DYNC2H1: variants seen among roughly 807,000 people sequenced by gnomAD.
DYNC2H1 encodes dynein cytoplasmic 2 heavy chain 1.
In DYNC2H1, 410 loss-of-function variants were observed where a neutral mutation model predicts 570.0. The observed-to-expected ratio is 0.72, with a 90% CI of 0.66 to 0.78. The LOEUF (loss-of-function observed/expected upper bound fraction) is 0.78. Ranked by LOEUF, DYNC2H1 falls within the 30% of genes least tolerant of loss-of-function variation. The probability of loss-of-function intolerance (pLI) is 0.00; values close to 1 mark genes in which losing one functional copy is unlikely to be tolerated. For synonymous variants in DYNC2H1, 1,688 were observed against 1,677.6 expected (o/e 1.01, Z -0.15); for missense variants, 4,865 against 5,046.4 (o/e 0.96, Z 1.09).
At chr11:103,159,618 A>G (rs1203334726) in intron 28 of DYNC2H1, among the ~76,000 whole-genome samples, 1 of 152,122 alleles carries the variant, frequency 6.6e-6, no homozygotes, top group Admixed American at 6.5e-5. Context: ...TGGGATACTT[A>G]TTAGTGGCAA....
rs2135260780 is a variant in DYNC2H1, at chr11:103,255,407, A to T, written c.10207-8A>T. ...GCTAGAATTACCTTGTCTTTTTGTTATCCCAAGCTTTTAGCTTTAACCATT... is the reference window on the plus strand; with the variant it reads ...GCTAGAATTACCTTGTCTTTTTGTTTTCCCAAGCTTTTAGCTTTAACCATT... On this transcript the variant is annotated splice_polypyrimidine_tract_variant and splice_region_variant and intron_variant, in intron 66 of 88. Transcript: ENST00000375735. The T allele has an allele frequency of 1.3e-6, 2 of 1,549,494 alleles. No individual in the cohort carries two copies. The highest frequency in any genetic ancestry group is 1.4e-5 in the African/African-American group (1 of 73,070).
At chr11:103,311,548 A>G (rs1255557376) in intron 78 of DYNC2H1, among the ~76,000 whole-genome samples, 1 of 152,090 alleles carries the variant, frequency 6.6e-6, no homozygotes, top group Admixed American at 6.6e-5. Flanking sequence ...AACAATCAAT[A>G]TCACATTAGT....
intron 84 of DYNC2H1, among the ~76,000 whole-genome samples, chr11:103,415,354 A>G (rs1356702878): frequency 1.3e-5 from 2 of 152,192 alleles, no homozygotes; most frequent in African/African-American, 4.8e-5. Context: ...TCTGCACACC[A>G]AAAGAAACTA....
At position 103,133,488 on chromosome 11, in the gene DYNC2H1, T is replaced by C. The variant is rs1859378025; in HGVS notation, c.1954-67T>C. 2 of 1,454,422 alleles carry C rather than the reference T, an allele frequency of 1.4e-6. No homozygotes were observed. The highest frequency in any genetic ancestry group is 1.9e-6 in the Non-Finnish European group (2 of 1,080,244). The allele number at this position is 1,454,422 out of a possible 1,614,324, so 90.1% of individuals were successfully genotyped here. A position where few individuals can be genotyped will look rare whatever the true frequency, so the allele number is the denominator to read the frequency against. ...GTTGGGGATAGTTGAACTTTTGATA[T>C]AGAATATTGAAACTTTTGGAAAAAA... On this transcript the variant is annotated intron_variant, in intron 13 of 88. Transcript: ENST00000375735. The surrounding 1 kb of genome is among the most constrained non-coding windows in gnomAD (Gnocchi z 4.8).
chr11:103,298,984 T>C (rs11225665), intron 75 of DYNC2H1, among the ~76,000 whole-genome samples: 49,486 of 151,992 alleles, frequency 0.33, 8,281 homozygotes, highest in South Asian at 0.41. Flanking sequence ...CGTTACTTTT[T>C]AGAAATGGTA....
intron 83 of DYNC2H1, among the ~76,000 whole-genome samples, chr11:103,367,891 T>G (rs1400451310): frequency 1.3e-5 from 2 of 152,154 alleles, no homozygotes; most frequent in Non-Finnish European, 2.9e-5. Flanking sequence ...TTGGCTTATT[T>G]CACTTAATGT....
rs1300913388 is a variant in DYNC2H1, at chr11:103,299,090, G to T, written c.11096-4003G>T. 6.6e-6 allele frequency among the ~76,000 whole-genome samples: 1 copy of T among 152,042 alleles called. No homozygotes were observed. Among genetic ancestry groups the T allele is most frequent in the Non-Finnish European group, 1.5e-5 (1 of 67,990 alleles). On this transcript the variant is annotated intron_variant, in intron 75 of 88. Transcript: ENST00000375735. This position sits in a 1 kb window ranked among gnomAD's most constrained non-coding sequence, Gnocchi z 4.5. ...AGTATATTATACTATGTGTATTGAG[G>T]TATTGGAAATGTAAAGAGACATGTC...
chr11:103,431,046 A>G (rs1943870628), intron 84 of DYNC2H1, among the ~76,000 whole-genome samples: 1 of 152,054 alleles, frequency 6.6e-6, no homozygotes, highest in South Asian at 2.1e-4. Context: ...ATTTACTCAT[A>G]CTTGCTGCAT....
At chr11:103,436,991 G>A (rs978198948) in intron 85 of DYNC2H1, among the ~76,000 whole-genome samples, 9 of 152,068 alleles carry the variant, frequency 5.9e-5, no homozygotes, top group South Asian at 2.1e-4. Flanking sequence ...CGCTGCTACC[G>A]AAACTTCAGA....
intron 65 of DYNC2H1, among the ~76,000 whole-genome samples, chr11:103,246,520 T>C (rs1458148387): frequency 6.6e-6 from 1 of 152,054 alleles, no homozygotes; most frequent in Non-Finnish European, 1.5e-5. Context: ...TTGGTTCACA[T>C]TTTGAACTGT....
chr11:103,427,067 C>G (rs1265832927), intron 84 of DYNC2H1, among the ~76,000 whole-genome samples: 1 of 151,954 alleles, frequency 6.6e-6, no homozygotes, highest in African/African-American at 2.4e-5. Flanking sequence ...TAACGTAAAC[C>G]CACAGAGCCC....
chr11:103,309,347 ATTTCT>A (rs1185125324), intron 78 of DYNC2H1, among the ~76,000 whole-genome samples: 5 of 141,674 alleles, frequency 3.5e-5, no homozygotes, highest in Non-Finnish European at 7.7e-5. Flanking sequence ...TAATTTTTTT[ATTTCT>A]TTTCTTTTTT....
At chr11:103,286,007 T>C (rs1228997632) in intron 73 of DYNC2H1, among the ~76,000 whole-genome samples, 1 of 152,348 alleles carries the variant, frequency 6.6e-6, no homozygotes, top group East Asian at 1.9e-4. Flanking sequence ...TGTTTTTACA[T>C]AGAGAAAAGA....
chr11:103,392,530 C>G (rs183315955), intron 83 of DYNC2H1, among the ~76,000 whole-genome samples: 1 of 152,194 alleles, frequency 6.6e-6, no homozygotes, highest in Non-Finnish European at 1.5e-5. Context: ...GAGATGAACC[C>G]GGTACCTCAG....
intron 87 of DYNC2H1, among the ~76,000 whole-genome samples, chr11:103,463,624 G>A (rs1397780735): frequency 6.6e-6 from 1 of 152,088 alleles, no homozygotes; most frequent in Non-Finnish European, 1.5e-5. Context: ...GGTGGTGCAT[G>A]CCTGTCATCC....
chr11:103,200,690 C>T (rs905944421), intron 50 of DYNC2H1, among the ~76,000 whole-genome samples: 2 of 152,174 alleles, frequency 1.3e-5, no homozygotes, highest in Non-Finnish European at 2.9e-5. Flanking sequence ...TGAAATTCCA[C>T]ATAATGCTAC....
chr11:103,132,669 T>C lies in DYNC2H1; in HGVS notation c.1954-886T>C, dbSNP rs971300070. ...TTGGGGGTGTGTGTGTGTGTGTGTG[T>C]GTGTGTGATGAGTTTCCTGCTGGGC... is the stretch of plus-strand genomic sequence containing the variant. On this transcript the variant is annotated intron_variant, in intron 13 of 88. Transcript: ENST00000375735. 1.3e-5 allele frequency among the ~76,000 whole-genome samples: 2 copies of C among 151,950 alleles called. 1 individual carries two copies. Among genetic ancestry groups the C allele is most frequent in the East Asian group, 3.9e-4 (2 of 5,188 alleles).
In DYNC2H1 at chr11:103,170,145, A is replaced by G. The variant is rs369431013; in HGVS notation, c.5006A>G (p.Asp1669Gly). ...AAACTGGTTTATACTCCACTGACAG[A>G]CAAGTGCTACTTAACTCTCACTCAA... is the stretch of plus-strand genomic sequence containing the variant. ...ASKLVYTPLT[D>G]KCYLTLTQAM... Residue 1669 changes from aspartate to glycine, a missense_variant, in exon 33 of 89, where the codon GAC (aspartate) becomes GGC (glycine). Coordinates refer to ENST00000375735, the MANE Select transcript of DYNC2H1 (RefSeq NM_001377.3). This position sits in a 1 kb window ranked among gnomAD's most constrained non-coding sequence, Gnocchi z 4.8. 3.7e-6 allele frequency: 6 copies of G among 1,613,090 alleles called. No individual in the cohort carries two copies. The African/African-American group carries it at 6.7e-5, about 18-fold the overall frequency.
At chr11:103,328,759 C>T (rs958766704) in intron 82 of DYNC2H1, among the ~76,000 whole-genome samples, 5 of 152,114 alleles carry the variant, frequency 3.3e-5, no homozygotes, top group Non-Finnish European at 7.4e-5. Context: ...GTTTTTGTAA[C>T]CTGCTGCAGT....
Sources: gnomAD v4.1 joint callset for allele counts (sites outside exome capture counted in the v4.1 genomes callset) on GRCh38, gnomAD v4.1.1 for gene constraint, Gnocchi (gnomAD v3.1) non-coding constraint, MANE v1.5 for transcripts, NCBI Gene and HGNC (gene_info 2026-07-23, HGNC 2026-07-21) for gene names.